ZMIZ1: variants seen among roughly 807,000 people sequenced by gnomAD.
ZMIZ1 encodes zinc finger MIZ-type containing 1.
ZMIZ1 carries 17 observed loss-of-function variants against 113.9 expected under a neutral mutation model. The observed-to-expected ratio is 0.15, with a 90% confidence interval of 0.10 to 0.22. The LOEUF (loss-of-function observed/expected upper bound fraction) is 0.22. Among genes scored for constraint, ZMIZ1 ranks in the 10% least tolerant of loss-of-function variants. The pLI, the probability that ZMIZ1 is intolerant of heterozygous loss-of-function variation, is 1.00. For missense variants in ZMIZ1, 1,059 were observed against 1,477.8 expected, an observed-to-expected ratio of 0.72 and a Z score of 4.65; for synonymous variants, 607 against 603.1, an observed-to-expected ratio of 1.01 and a Z score of -0.09.
At chr10:79,097,170 G>A (rs930929429) in intron 1 of ZMIZ1, among the ~76,000 whole-genome samples, 1 of 152,184 alleles carries the variant, frequency 6.6e-6, no homozygotes, top group African/African-American at 2.4e-5. Context: ...GCCTGTATCT[G>A]CTGGGGGGTC....
chr10:79,199,994 A>G (rs1348188096), intron 4 of ZMIZ1, among the ~76,000 whole-genome samples: 6 of 152,222 alleles, frequency 3.9e-5, no homozygotes, highest in Non-Finnish European at 8.8e-5. Flanking sequence ...ACCAGCTGCG[A>G]GGACTTGGCA....
chr10:79,303,237 G>C (rs928632889), intron 18 of ZMIZ1, among the ~76,000 whole-genome samples: 4 of 151,816 alleles, frequency 2.6e-5, no homozygotes, highest in Non-Finnish European at 5.9e-5. Context: ...AGGCCGAGGC[G>C]GGAGTCCAGG....
At chr10:79,093,710 T>G (rs1197923526) in intron 1 of ZMIZ1, among the ~76,000 whole-genome samples, 1 of 152,148 alleles carries the variant, frequency 6.6e-6, no homozygotes, top group Admixed American at 6.5e-5. Context: ...TAGGCAGGAT[T>G]TGAATGCAGG....
Position 79,173,197 on chromosome 10 carries a change from C to G in ZMIZ1, c.-50+11064C>G, listed in dbSNP as rs80192273. The stretch of plus-strand genomic sequence containing the variant: ...TGGCCTAGGGCAAGCTTGTCCAACC[C>G]GTGACCCATGGGCCACACGTGGCTC... On this transcript the variant is annotated intron_variant, in intron 4 of 24. Coordinates refer to ENST00000334512, the MANE Select transcript of ZMIZ1 (RefSeq NM_020338.4). Among the ~76,000 whole-genome samples the G allele has an allele frequency of 6.3e-3, 952 of 152,298 alleles. 10 individuals are homozygous for G. Among genetic ancestry groups the G allele is most frequent in the African/African-American group, 0.022 (902 of 41,556 alleles).
chr10:79,278,759 G>A (rs1008070691), intron 8 of ZMIZ1, among the ~76,000 whole-genome samples: 2 of 151,802 alleles, frequency 1.3e-5, no homozygotes. Flanking sequence ...TTGGGGGTAA[G>A]GTTATAGATT....
intron 3 of ZMIZ1, among the ~76,000 whole-genome samples, chr10:79,161,549 C>T (rs1846115750): frequency 6.6e-6 from 1 of 152,188 alleles, no homozygotes; most frequent in Admixed American, 6.5e-5. Context: ...GCTTGTTGCT[C>T]AACTTCACTT....
intron 7 of ZMIZ1, among the ~76,000 whole-genome samples, chr10:79,274,872 G>C (rs983619389): frequency 3.3e-5 from 5 of 152,192 alleles, no homozygotes; most frequent in African/African-American, 1.2e-4. Flanking sequence ...GGGGTGGCCC[G>C]TGACATTGGA....
chr10:79,266,038 C>T (rs1370533964), intron 7 of ZMIZ1, among the ~76,000 whole-genome samples: 1 of 152,222 alleles, frequency 6.6e-6, no homozygotes, highest in Non-Finnish European at 1.5e-5. Flanking sequence ...AGAAGTCATG[C>T]AAGGTCAAGA....
chr10:79,135,203 G>A (rs1844950314), intron 2 of ZMIZ1, among the ~76,000 whole-genome samples: 1 of 152,226 alleles, frequency 6.6e-6, no homozygotes, highest in Admixed American at 6.5e-5. Context: ...GATAACTTGA[G>A]GAGGGTCTGA....
intron 7 of ZMIZ1, among the ~76,000 whole-genome samples, chr10:79,255,167 A>C (rs963293298): frequency 6.6e-6 from 1 of 152,174 alleles, no homozygotes; most frequent in African/African-American, 2.4e-5. Flanking sequence ...TCCCCACAGC[A>C]GCCACTGAGC....
intron 13 of ZMIZ1, 65 bp from the exon 14 acceptor site, chr10:79,297,548 A>G (rs1853982014): frequency 7.2e-7 from 1 of 1,395,762 alleles, no homozygotes; most frequent in South Asian, 1.2e-5. Context: ...TACTGTCCAG[A>G]GGGAGAGCGG....
At chr10:79,131,077 C>G (rs976444708) in intron 2 of ZMIZ1, among the ~76,000 whole-genome samples, 4 of 152,228 alleles carry the variant, frequency 2.6e-5, no homozygotes, top group African/African-American at 9.7e-5. Flanking sequence ...CATGGAATGC[C>G]TTCAGGCTAT....
intron 18 of ZMIZ1, 24 bp downstream of exon 18, chr10:79,302,236 T>A: frequency 6.2e-7 from 1 of 1,605,648 alleles, no homozygotes; most frequent in East Asian, 2.2e-5. Flanking sequence ...GGGACGGGGG[T>A]GAGGGCCAGA....
At chr10:79,230,413 C>T (rs766843155) in intron 7 of ZMIZ1, among the ~76,000 whole-genome samples, 12 of 152,226 alleles carry the variant, frequency 7.9e-5, no homozygotes, top group Non-Finnish European at 1.6e-4. Context: ...TTTAGCTCTG[C>T]CCCCTCCTGA....
intron 4 of ZMIZ1, among the ~76,000 whole-genome samples, chr10:79,198,893 G>C (rs147423476): frequency 0.015 from 2,224 of 152,194 alleles, 45 homozygotes; most frequent in African/African-American, 0.051. Context: ...AATTAGCCAG[G>C]CGTGGTGGCA....
chr10:79,261,876 G>A (rs1454932514), intron 7 of ZMIZ1, among the ~76,000 whole-genome samples: 5 of 152,188 alleles, frequency 3.3e-5, no homozygotes, highest in Non-Finnish European at 7.4e-5. Context: ...GCACACGCCT[G>A]CCAAGATCAC....
chr10:79,231,590 T>C (rs1175166716), intron 7 of ZMIZ1, among the ~76,000 whole-genome samples: 1 of 151,772 alleles, frequency 6.6e-6, no homozygotes, highest in Non-Finnish European at 1.5e-5. Flanking sequence ...TTGTTTTTTT[T>C]TGTTTTGAGA....
At position 79,183,548 on chromosome 10, in the gene ZMIZ1, G is replaced by A. The variant is rs73302104; in HGVS notation, c.-49-18036G>A. On this transcript the variant is annotated intron_variant, in intron 4 of 24. Coordinates refer to ENST00000334512, the MANE Select transcript of ZMIZ1 (RefSeq NM_020338.4). ...AATGAAGGATGCAAGGCTGGGAGAC[G>A]GTATCCCCATGGTTGGAGAAAGAGT... Among the ~76,000 whole-genome samples the A allele has an allele frequency of 5.7e-3, 866 of 152,306 alleles. 6 individuals are homozygous for A. The highest frequency in any genetic ancestry group is 0.019 in the African/African-American group (789 of 41,564).
At chr10:79,143,269 C>T (rs1382633842) in intron 3 of ZMIZ1, among the ~76,000 whole-genome samples, 1 of 152,110 alleles carries the variant, frequency 6.6e-6, no homozygotes, top group Non-Finnish European at 1.5e-5. Context: ...TGCCACCCAC[C>T]AGTAGTATGT....
Sources: allele counts gnomAD v4.1 joint callset (sites outside exome capture counted in the v4.1 genomes callset), GRCh38; gene constraint gnomAD v4.1.1; transcripts MANE v1.5; gene names NCBI Gene and HGNC (gene_info 2026-07-23, HGNC 2026-07-21).